The following ERC2 variants were observed in gnomAD, a reference collection of about 807,000 sequenced individuals.
The protein encoded by ERC2 is ELKS/RAB6-interacting/CAST family member 2.
In ERC2, 42 loss-of-function variants were observed where a neutral mutation model predicts 114.8. That is an observed-to-expected ratio of 0.37 (90% confidence interval 0.29 to 0.47). The LOEUF (loss-of-function observed/expected upper bound fraction) is 0.47, where lower values mean the gene tolerates loss of function less well. Among genes scored for constraint, ERC2 ranks in the 20% least tolerant of loss-of-function variants. ERC2 has a pLI of 0.99. For synonymous variants in ERC2, 454 were observed against 425.5 expected (o/e 1.07, Z -0.82); for missense variants, 939 against 1,150.7 (o/e 0.82, Z 2.66).
intron 7 of ERC2, among the ~76,000 whole-genome samples, chr3:56,069,812 T>A (rs906370287): frequency 6.6e-6 from 1 of 152,180 alleles, no homozygotes; most frequent in African/African-American, 2.4e-5. Flanking sequence ...AGGCTCCAAA[T>A]TGCCATATAG....
intron 4 of ERC2, among the ~76,000 whole-genome samples, chr3:56,154,450 C>T (rs1445341352): frequency 1.3e-5 from 2 of 152,054 alleles, no homozygotes; most frequent in Admixed American, 6.6e-5. Context: ...GTCTTATTTG[C>T]CTGCTTCTGA....
At chr3:56,073,534 C>T (rs1468940654) in intron 7 of ERC2, among the ~76,000 whole-genome samples, 1 of 152,150 alleles carries the variant, frequency 6.6e-6, no homozygotes, top group African/African-American at 2.4e-5. Flanking sequence ...CATGGCCACC[C>T]TAGTTGTGAT....
chr3:55,556,518 T>C (rs924717166), intron 17 of ERC2, among the ~76,000 whole-genome samples: 1 of 152,160 alleles, frequency 6.6e-6, no homozygotes, highest in African/African-American at 2.4e-5. Flanking sequence ...AATCACAGCA[T>C]CACATTCTCT....
chr3:55,983,757 CATG>C (rs2070351305), intron 12 of ERC2, among the ~76,000 whole-genome samples: 1 of 152,144 alleles, frequency 6.6e-6, no homozygotes, highest in African/African-American at 2.4e-5. Flanking sequence ...TTCTAAAATA[CATG>C]ATATGTGTAT....
intron 13 of ERC2, among the ~76,000 whole-genome samples, chr3:55,939,903 C>T (rs1397805644): frequency 6.6e-6 from 1 of 152,188 alleles, no homozygotes; most frequent in Non-Finnish European, 1.5e-5. Context: ...AAAAAAGTAA[C>T]AATTGGTGGA....
chr3:56,288,460 G>A (rs1303694837), intron 3 of ERC2, among the ~76,000 whole-genome samples: 2 of 152,082 alleles, frequency 1.3e-5, no homozygotes, highest in South Asian at 4.2e-4. Flanking sequence ...AAAATGCCTT[G>A]TGTCTAATGG....
chr3:56,420,177 CTTTTTT>C (rs34883402), intron 2 of ERC2, among the ~76,000 whole-genome samples: 2 of 72,306 alleles, frequency 2.8e-5, no homozygotes, highest in Non-Finnish European at 5.0e-5. Context: ...AGTGGTTATA[CTTTTTT>C]TTTTTTTTTT....
chr3:55,858,118 C>A (rs2061868814), intron 14 of ERC2, among the ~76,000 whole-genome samples: 1 of 152,166 alleles, frequency 6.6e-6, no homozygotes, highest in Non-Finnish European at 1.5e-5. Flanking sequence ...CACATAGACA[C>A]ATATGCCATA....
intron 12 of ERC2, among the ~76,000 whole-genome samples, chr3:55,974,698 T>C (rs1457017722): frequency 6.6e-6 from 1 of 152,066 alleles, no homozygotes; most frequent in Non-Finnish European, 1.5e-5. Context: ...GCTGACTGTC[T>C]CCAGTCTACG....
At chr3:56,081,591 A>C (rs1345740706) in intron 6 of ERC2, among the ~76,000 whole-genome samples, 1 of 151,736 alleles carries the variant, frequency 6.6e-6, no homozygotes, top group Non-Finnish European at 1.5e-5. Context: ...CAAAGCATAC[A>C]AAAAAAAATT....
chr3:56,427,973 C>T (rs368479077), intron 2 of ERC2, among the ~76,000 whole-genome samples: 5 of 152,152 alleles, frequency 3.3e-5, no homozygotes, highest in East Asian at 3.9e-4. Flanking sequence ...CCAGAAAATC[C>T]GTTTTGAAAA....
intron 4 of ERC2, among the ~76,000 whole-genome samples, chr3:56,166,748 C>A (rs2082342902): frequency 6.6e-6 from 1 of 152,036 alleles, no homozygotes; most frequent in Non-Finnish European, 1.5e-5. Context: ...GCCCCACTTT[C>A]ATCCCTGATA....
At chr3:55,912,811 A>C (rs2064883278) in intron 13 of ERC2, among the ~76,000 whole-genome samples, 1 of 152,230 alleles carries the variant, frequency 6.6e-6, no homozygotes, top group South Asian at 2.1e-4. Flanking sequence ...AATATTAAAC[A>C]TACAGGAAAG....
chr3:55,876,012 GAA>G (rs2062819536), intron 14 of ERC2, among the ~76,000 whole-genome samples: 1 of 151,994 alleles, frequency 6.6e-6, no homozygotes, highest in Non-Finnish European at 1.5e-5. Context: ...AAGGGGGAAA[GAA>G]AAAAGAGGCA....
chr3:56,033,668 T>A (rs2074615799), intron 7 of ERC2, among the ~76,000 whole-genome samples: 1 of 152,214 alleles, frequency 6.6e-6, no homozygotes. Flanking sequence ...GTTGGCAGGT[T>A]TTTTTCTTCT....
rs192770284 is a variant in ERC2, at chr3:55,958,387, G to A, written c.2268-7827C>T. Reference sequence around the variant, plus strand: ...TGCTGATTGTTCCATGGGTGGCCATGGGCAGGCCCAGAAAAGGCATCATAA... The same window carrying A: ...TGCTGATTGTTCCATGGGTGGCCATAGGCAGGCCCAGAAAAGGCATCATAA... On this transcript the variant is annotated intron_variant, in intron 12 of 17. Coordinates refer to ENST00000288221, the MANE Select transcript of ERC2 (RefSeq NM_015576.3). 5.3e-5 allele frequency among the ~76,000 whole-genome samples: 8 copies of A among 152,304 alleles called. No homozygotes were observed. The East Asian group carries it at 1.5e-3, about 29-fold the overall frequency.
At chr3:55,533,561 C>A (rs559011285) in intron 17 of ERC2, among the ~76,000 whole-genome samples, 2 of 152,234 alleles carry the variant, frequency 1.3e-5, no homozygotes, top group East Asian at 3.9e-4. Flanking sequence ...AGCAAAGAAG[C>A]CAAAGAGTAG....
intron 14 of ERC2, among the ~76,000 whole-genome samples, chr3:55,778,327 A>G (rs945332762): frequency 6.6e-6 from 1 of 152,222 alleles, no homozygotes; most frequent in African/African-American, 2.4e-5. Flanking sequence ...CTTTTATACC[A>G]CATTCAGAGT....
At chr3:55,664,997 C>T (rs2061302138) in intron 17 of ERC2, among the ~76,000 whole-genome samples, 1 of 152,122 alleles carries the variant, frequency 6.6e-6, no homozygotes, top group Non-Finnish European at 1.5e-5. Flanking sequence ...AATAATAACA[C>T]ACTGAGACAG....
Sources: allele counts gnomAD v4.1 joint callset (sites outside exome capture counted in the v4.1 genomes callset), GRCh38; gene constraint gnomAD v4.1.1; transcripts MANE v1.5; gene names NCBI Gene and HGNC (gene_info 2026-07-23, HGNC 2026-07-21).